Variants in SEMA3C observed in about 807,000 individuals in gnomAD.
SEMA3C encodes the protein semaphorin 3C, also known as semaphorin-3C.
SEMA3C carries 47 observed loss-of-function variants against 89.4 expected under a neutral mutation model. The observed-to-expected ratio is 0.53, with a 90% CI of 0.42 to 0.67. The LOEUF (loss-of-function observed/expected upper bound fraction) is 0.67, where lower values mean the gene tolerates loss of function less well. SEMA3C is among the 30% of genes least tolerant of loss of function. The pLI is 0.00. For synonymous variants in SEMA3C, 310 were observed against 320.2 expected (o/e 0.97, Z 0.34); for missense variants, 839 against 929.1 (o/e 0.90, Z 1.26).
At chr7:80,921,286 G>C (rs1246861248), upstream of SEMA3C, among the ~76,000 whole-genome samples, 1 of 152,100 alleles carries the variant, frequency 6.6e-6, no homozygotes, top group Non-Finnish European at 1.5e-5. Flanking sequence ...TATTTGCTTA[G>C]CTCTGAGACG....
intron 4 of SEMA3C, 71 bp from the exon 5 acceptor site, chr7:80,818,489 C>A: frequency 6.6e-7 from 1 of 1,516,544 alleles, no homozygotes; most frequent in Non-Finnish European, 9.1e-7. Flanking sequence ...GCTATGTTAA[C>A]CTGAGATCTT....
intron 1 of SEMA3C, among the ~76,000 whole-genome samples, chr7:80,917,222 A>ACAG (rs1792299660): frequency 6.6e-6 from 1 of 152,226 alleles, no homozygotes; most frequent in Admixed American, 6.5e-5. Context: ...CACTAACGTA[A>ACAG]CAGCAGCAGC....
intron 2 of SEMA3C, among the ~76,000 whole-genome samples, chr7:80,910,432 ACC>A (rs1323094119): frequency 5.3e-5 from 8 of 152,254 alleles, no homozygotes; most frequent in South Asian, 4.1e-4. Flanking sequence ...GGCTAGTGCT[ACC>A]CTAAAATAGC....
intron 2 of SEMA3C, among the ~76,000 whole-genome samples, chr7:80,881,913 T>C (rs1791351765): frequency 6.6e-6 from 1 of 152,164 alleles, no homozygotes; most frequent in South Asian, 2.1e-4. Flanking sequence ...TATCATCTAT[T>C]GGGGGACAAA....
At chr7:80,757,865 G>T (rs1426302284) in intron 15 of SEMA3C, among the ~76,000 whole-genome samples, 1 of 152,186 alleles carries the variant, frequency 6.6e-6, no homozygotes, top group Admixed American at 6.5e-5. Flanking sequence ...TACTCGGGAG[G>T]CTGAGGCAGA....
In SEMA3C at chr7:80,789,377, T is replaced by G; in HGVS notation, c.1283A>C (p.Lys428Thr). Residue 428 changes from lysine to threonine, a missense_variant, in exon 12 of 18, where the codon AAG becomes ACG. Physicochemically the swap from Lys to Thr is moderately conservative, Grantham distance 78. Transcript: ENST00000265361. ...PLIVRIGTDY[K>T]YTKIAVDRVN... ...TCGATCCACAGCTATCTTTGTATAC[T>G]TGTAGTCAGTGCCAATACGAACAAT... 3 of 1,614,118 alleles carry G rather than the reference T, an allele frequency of 1.9e-6. No individual in the cohort carries two copies. The highest frequency in any genetic ancestry group is 2.5e-6 in the Non-Finnish European group (3 of 1,179,986).
intron 2 of SEMA3C, among the ~76,000 whole-genome samples, chr7:80,845,876 T>C (rs1356739910): frequency 6.6e-6 from 1 of 152,162 alleles, no homozygotes; most frequent in African/African-American, 2.4e-5. Context: ...ACACTAAACA[T>C]GACCATGCTT....
At chr7:80,848,987 C>CA (rs1790451251) in intron 2 of SEMA3C, among the ~76,000 whole-genome samples, 1 of 152,000 alleles carries the variant, frequency 6.6e-6, no homozygotes, top group African/African-American at 2.4e-5. Flanking sequence ...CTTATAAACC[C>CA]ACTTCAACAC....
intron 5 of SEMA3C, among the ~76,000 whole-genome samples, chr7:80,818,096 A>T (rs1007760870): frequency 6.6e-6 from 1 of 151,972 alleles, no homozygotes; most frequent in African/African-American, 2.4e-5. Context: ...TACACATAAA[A>T]ATATATATAC....
chr7:80,745,297 T>C lies in SEMA3C; in HGVS notation c.1853A>G (p.Asn618Ser), dbSNP rs1787775807. The change falls in exon 18 of 18, where the codon AAT becomes AGT. Residue 618 changes from asparagine to serine, a missense_variant. Asn to Ser is a conservative substitution (Grantham distance 46). Coordinates refer to ENST00000265361, the MANE Select transcript of SEMA3C (RefSeq NM_006379.5). Reference sequence around the variant, plus strand: ...CTGTGAAGTGGCTATTATTCGTTCATTCAGCTTAACCTAAAAGAGAGACAA... The same window carrying C: ...CTGTGAAGTGGCTATTATTCGTTCACTCAGCTTAACCTAAAAGAGAGACAA... Reference protein sequence around the residue: ...DKDRRKEVKLNERIIATSQGL... With the variant: ...DKDRRKEVKLSERIIATSQGL... The C allele has an allele frequency of 1.2e-6, 2 of 1,613,244 alleles. No individual in the cohort carries two copies. Among genetic ancestry groups the C allele is most frequent in the Non-Finnish European group, 1.7e-6 (2 of 1,179,864 alleles).
chr7:80,888,801 T>C (rs1246770972), intron 2 of SEMA3C, among the ~76,000 whole-genome samples: 1 of 152,220 alleles, frequency 6.6e-6, no homozygotes, highest in Non-Finnish European at 1.5e-5. Context: ...GAAGATGGTA[T>C]ATTTTATCCC....
rs117260567 is a variant in SEMA3C at position 80,778,389 on chromosome 7, G to A, written c.1354+10917C>T. On this transcript the variant is annotated intron_variant, in intron 12 of 17. Coordinates refer to ENST00000265361, the MANE Select transcript of SEMA3C (RefSeq NM_006379.5). ...TACATGTCCAAAGATGTAAATTCGG[G>A]GCTAATCTTCTCTATTTAATCCTTT... is the stretch of plus-strand genomic sequence containing the variant. Among the ~76,000 whole-genome samples the A allele has an allele frequency of 7.3e-3, 1,113 of 152,168 alleles. 60 individuals are homozygous for A. The East Asian group carries it at 0.14, about 20-fold the overall frequency.
chr7:80,878,606 G>GTA (rs1201153785), intron 2 of SEMA3C, among the ~76,000 whole-genome samples: 8 of 152,106 alleles, frequency 5.3e-5, no homozygotes, highest in Non-Finnish European at 1.2e-4. Context: ...AAAGGAGTGA[G>GTA]TGGGGATCCA....
At chr7:80,907,303 C>T (rs1041036147) in intron 2 of SEMA3C, among the ~76,000 whole-genome samples, 20 of 152,082 alleles carry the variant, frequency 1.3e-4, no homozygotes, top group African/African-American at 4.8e-4. Flanking sequence ...TGCCCGACTC[C>T]GGAAAGTAAC....
intron 2 of SEMA3C, among the ~76,000 whole-genome samples, chr7:80,913,281 A>G (rs1213458750): frequency 6.6e-6 from 1 of 152,062 alleles, no homozygotes; most frequent in Non-Finnish European, 1.5e-5. Context: ...CACACCTGTA[A>G]TCCCAGCTAC....
rs1307611102 is a variant in SEMA3C at position 80,754,960 on chromosome 7, T to TTTTTTTTGTTTTTTTTTTTTTG, written c.1643+3370_1643+3371insCAAAAAAAAAAAAACAAAAAAA. On this transcript the variant is annotated intron_variant, in intron 15 of 17. Coordinates refer to ENST00000265361, the MANE Select transcript of SEMA3C (RefSeq NM_006379.5). ...GCCTGGCGAATTGTTTTTTTTTGTT[T>TTTTTTTTGTTTTTTTTTTTTTG]TTTTTTTTTTTGTATTTTTAGTAGA... Among the ~76,000 whole-genome samples the TTTTTTTTGTTTTTTTTTTTTTG allele has an allele frequency of 3.9e-5, 5 of 127,990 alleles. 1 individual carries two copies. Among genetic ancestry groups the TTTTTTTTGTTTTTTTTTTTTTG allele is most frequent in the South Asian group, 2.8e-4 (1 of 3,570 alleles). The allele number at this position is 127,990 out of a possible 152,430, so 84.0% of individuals were successfully genotyped here.
At chr7:80,796,359 T>C (rs1204369783) in intron 11 of SEMA3C, 1 of 152,220 alleles carries the variant, frequency 6.6e-6, no homozygotes, top group Admixed American at 6.6e-5. Flanking sequence ...CTGCTTCTTA[T>C]CCAGCACTCC....
intron 12 of SEMA3C, among the ~76,000 whole-genome samples, chr7:80,786,100 A>G (rs1788795883): frequency 6.6e-6 from 1 of 152,196 alleles, no homozygotes; most frequent in African/African-American, 2.4e-5. Flanking sequence ...GGGATCCTCA[A>G]GAGACTCCTG....
intron 2 of SEMA3C, among the ~76,000 whole-genome samples, chr7:80,911,602 T>C (rs10954402): frequency 0.97 from 146,738 of 151,950 alleles, 70,896 homozygotes; most frequent in East Asian, 1. Context: ...GTCTATTAAT[T>C]CATAGAATAG....
Sources: gnomAD v4.1 joint callset for allele counts (sites outside exome capture counted in the v4.1 genomes callset) on GRCh38, gnomAD v4.1.1 for gene constraint, MANE v1.5 for transcripts, NCBI Gene and HGNC (gene_info 2026-07-23, HGNC 2026-07-21) for gene names.